Variants in NSMCE2 observed in about 807,000 individuals in gnomAD.
NSMCE2 encodes E3 SUMO-protein ligase NSE2.
Under a neutral mutation model 23.8 loss-of-function variants are expected in NSMCE2, and 24 were observed. That is an observed-to-expected ratio of 1.01 (90% CI 0.73 to 1.42). NSMCE2 has a LOEUF of 1.42. Among genes scored for constraint, NSMCE2 ranks in the 40% most tolerant of loss-of-function variants. The probability of loss-of-function intolerance (pLI) is 0.00; values close to 1 mark genes in which losing one functional copy is unlikely to be tolerated. For synonymous variants in NSMCE2, 92 were observed against 94.1 expected (o/e 0.98, Z 0.13); for missense variants, 284 against 296.5 (o/e 0.96, Z 0.31).
chr8:125,314,947 G>A (rs1829120158), intron 5 of NSMCE2, among the ~76,000 whole-genome samples: 1 of 152,160 alleles, frequency 6.6e-6, no homozygotes. Context: ...CAGCAAGGGA[G>A]GGTGGGGATC....
chr8:125,274,220 G>A (rs1827345747), intron 5 of NSMCE2, among the ~76,000 whole-genome samples: 2 of 151,968 alleles, frequency 1.3e-5, no homozygotes, highest in African/African-American at 2.4e-5. Flanking sequence ...AAGCATTCAA[G>A]ATTTTGAAAC....
chr8:125,182,295 A>C, intron 5 of NSMCE2, 39 bp downstream of exon 5: 1 of 1,518,650 alleles, frequency 6.6e-7, no homozygotes, highest in Non-Finnish European at 9.0e-7. Flanking sequence ...GCTTTTTGAA[A>C]TTAGGGAACT....
intron 1 of NSMCE2, among the ~76,000 whole-genome samples, chr8:125,096,730 C>T (rs1198651125): frequency 6.7e-6 from 1 of 148,668 alleles, no homozygotes; most frequent in African/African-American, 2.5e-5. Flanking sequence ...TCTGCCTCAG[C>T]CTCCCGAGTA....
intron 3 of NSMCE2, among the ~76,000 whole-genome samples, chr8:125,144,562 G>C (rs1331033718): frequency 6.6e-6 from 1 of 152,142 alleles, no homozygotes; most frequent in African/African-American, 2.4e-5. Flanking sequence ...CAGGCTTACT[G>C]CCTACATCTC....
intron 5 of NSMCE2, among the ~76,000 whole-genome samples, chr8:125,291,428 C>T (rs950795027): frequency 6.6e-6 from 1 of 152,056 alleles, no homozygotes; most frequent in Non-Finnish European, 1.5e-5. Flanking sequence ...AAACTCTTAG[C>T]CTGGAGCTCG....
At chr8:125,147,334 A>C (rs1163180636) in intron 3 of NSMCE2, among the ~76,000 whole-genome samples, 4 of 152,232 alleles carry the variant, frequency 2.6e-5, no homozygotes, top group Non-Finnish European at 4.4e-5. Flanking sequence ...GATTTATGAA[A>C]TATAATGGCC....
At chr8:125,248,986 A>G (rs1586669060) in intron 5 of NSMCE2, among the ~76,000 whole-genome samples, 1 of 152,192 alleles carries the variant, frequency 6.6e-6, no homozygotes, top group South Asian at 2.1e-4. Flanking sequence ...CCTGGCCAAC[A>G]TGGTAAAACC....
intron 4 of NSMCE2, among the ~76,000 whole-genome samples, chr8:125,169,248 T>A (rs1329519657): frequency 6.6e-6 from 1 of 152,236 alleles, no homozygotes; most frequent in Non-Finnish European, 1.5e-5. Flanking sequence ...ATTTTCTTTC[T>A]CACACTGCAT....
At chr8:125,352,500 G>T (rs528367602) in intron 5 of NSMCE2, among the ~76,000 whole-genome samples, 2 of 151,964 alleles carry the variant, frequency 1.3e-5, no homozygotes, top group African/African-American at 4.8e-5. Context: ...AAAAATTTGG[G>T]AGCAGAGGAG....
intron 5 of NSMCE2, among the ~76,000 whole-genome samples, chr8:125,204,843 G>A (rs1824045947): frequency 1.3e-5 from 2 of 152,090 alleles, no homozygotes; most frequent in African/African-American, 4.8e-5. Context: ...CTTGCTGTCA[G>A]CCTCCTATAT....
At chr8:125,151,383 C>T (rs1821023195) in intron 4 of NSMCE2, 106 bp downstream of exon 4, 1 of 568,364 alleles carries the variant, frequency 1.8e-6, no homozygotes, top group Non-Finnish European at 3.2e-6. Flanking sequence ...TTTCCTTATC[C>T]TTAATGTAGC....
intron 3 of NSMCE2, among the ~76,000 whole-genome samples, chr8:125,139,596 T>C (rs900792609): frequency 6.6e-5 from 10 of 152,164 alleles, no homozygotes; most frequent in African/African-American, 2.4e-4. Flanking sequence ...GCAACTCTCC[T>C]TTATAAAATC....
At chr8:125,291,449 A>G (rs908344370) in intron 5 of NSMCE2, among the ~76,000 whole-genome samples, 12 of 152,224 alleles carry the variant, frequency 7.9e-5, no homozygotes, top group Admixed American at 6.5e-4. Flanking sequence ...ATGTAATTAT[A>G]TAACAGTTCT....
chr8:125,122,645 C>G (rs1441570554), intron 3 of NSMCE2, among the ~76,000 whole-genome samples: 3 of 152,130 alleles, frequency 2.0e-5, no homozygotes, highest in Non-Finnish European at 4.4e-5. Context: ...TGCAGACATT[C>G]CTCTCCCACC....
At chr8:125,148,760 A>G (rs1173192118) in intron 3 of NSMCE2, among the ~76,000 whole-genome samples, 1 of 152,232 alleles carries the variant, frequency 6.6e-6, no homozygotes, top group Non-Finnish European at 1.5e-5. Context: ...TAACTAGGTA[A>G]GGCTGGTGTG....
chr8:125,239,360 A>T (rs1170994366), intron 5 of NSMCE2, among the ~76,000 whole-genome samples: 1 of 152,158 alleles, frequency 6.6e-6, no homozygotes, highest in Non-Finnish European at 1.5e-5. Flanking sequence ...TGTAATCCCA[A>T]CACTTGGGGA....
chr8:125,156,994 G>A (rs1821355804), intron 4 of NSMCE2, among the ~76,000 whole-genome samples: 1 of 152,124 alleles, frequency 6.6e-6, no homozygotes, highest in African/African-American at 2.4e-5. Flanking sequence ...CCCTTAGAAA[G>A]CTAATAATTT....
intron 4 of NSMCE2, among the ~76,000 whole-genome samples, chr8:125,159,477 C>A (rs1428321601): frequency 6.6e-6 from 1 of 152,138 alleles, no homozygotes; most frequent in Non-Finnish European, 1.5e-5. Context: ...AGGTTTGTAG[C>A]CTAGGAGTAA....
chr8:125,176,061 G>C (rs1167222860), intron 4 of NSMCE2, among the ~76,000 whole-genome samples: 1 of 152,138 alleles, frequency 6.6e-6, no homozygotes, highest in Non-Finnish European at 1.5e-5. Context: ...CAGGGGTGTT[G>C]GGTTCTAATT....
Sources: allele counts gnomAD v4.1 joint callset (sites outside exome capture counted in the v4.1 genomes callset), GRCh38; gene constraint gnomAD v4.1.1; transcripts MANE v1.5; gene names NCBI Gene and HGNC (gene_info 2026-07-23, HGNC 2026-07-21).